The following MXI1 variants were observed in gnomAD, a reference collection of about 807,000 sequenced individuals.
MXI1 encodes max-interacting protein 1.
In MXI1, 18 loss-of-function variants were observed where a neutral mutation model predicts 36.9. The ratio of observed to expected loss-of-function variants is 0.49; its 90% CI spans 0.34 to 0.72. The LOEUF (loss-of-function observed/expected upper bound fraction) is 0.72, where lower values mean the gene tolerates loss of function less well. Among genes scored for constraint, MXI1 ranks in the 30% least tolerant of loss-of-function variants. The probability of loss-of-function intolerance (pLI) is 0.01; values close to 1 mark genes in which losing one functional copy is unlikely to be tolerated. For missense variants in MXI1, 304 were observed against 379.1 expected (o/e 0.80, Z 1.64); for synonymous variants, 160 against 146.7 (o/e 1.09, Z -0.65).
At chr10:110,265,393 TTTGA>T (rs1856649238) in intron 3 of MXI1, among the ~76,000 whole-genome samples, 1 of 152,194 alleles carries the variant, frequency 6.6e-6, no homozygotes, top group African/African-American at 2.4e-5. Flanking sequence ...TTGAACTTCC[TTTGA>T]TTGTCAATCT....
At chr10:110,217,039 G>A (rs1490354095) in intron 1 of MXI1, among the ~76,000 whole-genome samples, 1 of 151,808 alleles carries the variant, frequency 6.6e-6, no homozygotes, top group Non-Finnish European at 1.5e-5. Flanking sequence ...CACTGCCTGA[G>A]CTTAGGAAAC....
intron 3 of MXI1, among the ~76,000 whole-genome samples, chr10:110,270,581 C>T (rs917003112): frequency 2.0e-5 from 3 of 152,082 alleles, no homozygotes; most frequent in African/African-American, 4.8e-5. Flanking sequence ...GGTAAGCATA[C>T]ACTAGTTTCT....
intron 1 of MXI1, among the ~76,000 whole-genome samples, chr10:110,212,060 G>A (rs1422131314): frequency 6.6e-6 from 1 of 152,220 alleles, no homozygotes. Context: ...CGACTGGCAG[G>A]TAAGTGAAAC....
intron 5 of MXI1, 119 bp from the exon 6 acceptor site, chr10:110,284,705 C>T: frequency 1.0e-6 from 1 of 962,386 alleles, no homozygotes; most frequent in Non-Finnish European, 1.5e-6. Context: ...CTCCAGACAT[C>T]ACTGATAATA....
intron 1 of MXI1, 138 bp from the exon 2 acceptor site, chr10:110,228,051 C>CTAA: frequency 1.1e-6 from 1 of 951,606 alleles, no homozygotes; most frequent in South Asian, 1.6e-5. Context: ...CATTAATTTT[C>CTAA]TAACCAAAAA....
At chr10:110,237,831 A>C (rs1855526013) in intron 2 of MXI1, among the ~76,000 whole-genome samples, 1 of 152,202 alleles carries the variant, frequency 6.6e-6, no homozygotes, top group African/African-American at 2.4e-5. Context: ...AGTAGAGTGC[A>C]GTGGTGAGAT....
At chr10:110,273,247 C>T (rs1376416907) in intron 3 of MXI1, among the ~76,000 whole-genome samples, 1 of 151,838 alleles carries the variant, frequency 6.6e-6, no homozygotes, top group East Asian at 1.9e-4. Context: ...TGGGGTTTCA[C>T]CGTGTTAGCC....
At chr10:110,208,774 C>A (rs1431465354) in intron 1 of MXI1, among the ~76,000 whole-genome samples, 5 of 140,014 alleles carry the variant, frequency 3.6e-5, no homozygotes, top group African/African-American at 1.5e-4. Context: ...GCCGGCGGGG[C>A]CAAGCAACGC....
intron 5 of MXI1, 60 bp from the exon 6 acceptor site, chr10:110,284,764 T>G (rs1857383806): frequency 2.0e-6 from 3 of 1,470,936 alleles, no homozygotes; most frequent in South Asian, 2.7e-5. Context: ...TGCTGTTAGT[T>G]TTTGAAGGTG....
At chr10:110,252,502 CA>C (rs1423096286) in intron 3 of MXI1, among the ~76,000 whole-genome samples, 3 of 152,096 alleles carry the variant, frequency 2.0e-5, no homozygotes, top group Admixed American at 6.5e-5. Flanking sequence ...AGTTCTTCAT[CA>C]TTATTTAGTT....
At chr10:110,252,537 A>C (rs549558173) in intron 3 of MXI1, among the ~76,000 whole-genome samples, 1 of 152,260 alleles carries the variant, frequency 6.6e-6, no homozygotes, top group South Asian at 2.1e-4. Flanking sequence ...TCATCTGCTT[A>C]GAGAATAATA....
chr10:110,224,867 C>T (rs541257997), intron 1 of MXI1, among the ~76,000 whole-genome samples: 91 of 152,164 alleles, frequency 6.0e-4, no homozygotes, highest in African/African-American at 2.0e-3. Flanking sequence ...AAGCTGGTCT[C>T]GAACTCCTGA....
intron 3 of MXI1, among the ~76,000 whole-genome samples, chr10:110,254,550 A>C (rs1054389289): frequency 1.3e-5 from 2 of 152,206 alleles, no homozygotes; most frequent in African/African-American, 4.8e-5. Context: ...AGGCATGTCA[A>C]AAACCAGGAT....
chr10:110,232,252 A>C (rs186741928), intron 2 of MXI1, among the ~76,000 whole-genome samples: 60 of 152,230 alleles, frequency 3.9e-4, no homozygotes, highest in African/African-American at 1.4e-3. Context: ...GACCCACCGC[A>C]CTTGGCCAGT....
chr10:110,210,800 G>A (rs1283648669), intron 1 of MXI1, among the ~76,000 whole-genome samples: 1 of 152,230 alleles, frequency 6.6e-6, no homozygotes, highest in African/African-American at 2.4e-5. Flanking sequence ...GGCAATCCGC[G>A]TGTGCACAGC....
At chr10:110,274,978 G>GA (rs909449226) in intron 3 of MXI1, among the ~76,000 whole-genome samples, 1 of 149,704 alleles carries the variant, frequency 6.7e-6, no homozygotes, top group Non-Finnish European at 1.5e-5. Flanking sequence ...GGGTTCAAGC[G>GA]ATTCTCCTGC....
At chr10:110,261,230 C>T in intron 3 of MXI1, 3 of 736,890 alleles carry the variant, frequency 4.1e-6, no homozygotes, top group Non-Finnish European at 5.0e-6. Context: ...TGATAATCTG[C>T]CAAGCCCCAT....
intron 3 of MXI1, among the ~76,000 whole-genome samples, chr10:110,248,909 A>G (rs1184318876): frequency 1.3e-5 from 2 of 152,184 alleles, no homozygotes; most frequent in Non-Finnish European, 2.9e-5. Flanking sequence ...ACTTCTGGGA[A>G]GTTACCAGTG....
At chr10:110,239,198 T>C (rs1284889936) in intron 2 of MXI1, among the ~76,000 whole-genome samples, 1 of 152,204 alleles carries the variant, frequency 6.6e-6, no homozygotes, top group East Asian at 1.9e-4. Context: ...TAGCATCTCC[T>C]CACAAAATGC....
Sources: gnomAD v4.1 joint callset for allele counts (sites outside exome capture counted in the v4.1 genomes callset) on GRCh38, gnomAD v4.1.1 for gene constraint, MANE v1.5 for transcripts, NCBI Gene and HGNC (gene_info 2026-07-23, HGNC 2026-07-21) for gene names.